NRG1: variants seen among roughly 807,000 people sequenced by gnomAD.
The protein encoded by NRG1 is pro-neuregulin-1, membrane-bound isoform.
Under a neutral mutation model 63.8 loss-of-function variants are expected in NRG1, and 18 were observed. The ratio of observed to expected loss-of-function variants is 0.28; its 90% CI spans 0.19 to 0.42. The LOEUF (loss-of-function observed/expected upper bound fraction) is 0.42. Among genes scored for constraint, NRG1 ranks in the 10% least tolerant of loss-of-function variants. The pLI is 1.00. For synonymous variants in NRG1, 302 were observed against 301.3 expected, an observed-to-expected ratio of 1.00 and a Z score of -0.02; for missense variants, 762 against 814.7, an observed-to-expected ratio of 0.94 and a Z score of 0.79.
intron 1 of NRG1, among the ~76,000 whole-genome samples, chr8:32,129,886 T>C (rs1834580408): frequency 2.0e-5 from 3 of 152,108 alleles, no homozygotes; most frequent in African/African-American, 7.2e-5. Flanking sequence ...GTCGTTTGTC[T>C]AAAGCACTTT....
intron 1 of NRG1, among the ~76,000 whole-genome samples, chr8:32,319,989 G>A (rs1801191039): frequency 6.6e-6 from 1 of 152,074 alleles, no homozygotes; most frequent in African/African-American, 2.4e-5. Flanking sequence ...GGAAGAATAG[G>A]ATATGTGAAA....
chr8:31,962,589 T>C (rs192333956), intron 1 of NRG1, among the ~76,000 whole-genome samples: 1 of 152,286 alleles, frequency 6.6e-6, no homozygotes, highest in East Asian at 1.9e-4. Flanking sequence ...CTTGGAGTTT[T>C]CTATATTTTC....
intron 1 of NRG1, among the ~76,000 whole-genome samples, chr8:32,284,687 C>A (rs372885329): frequency 6.6e-6 from 1 of 152,050 alleles, no homozygotes; most frequent in Non-Finnish European, 1.5e-5. Flanking sequence ...CATATCAGCA[C>A]GCTTGGCTAA....
At chr8:32,564,663 A>C (rs1337382054) in intron 1 of NRG1, among the ~76,000 whole-genome samples, 1 of 152,238 alleles carries the variant, frequency 6.6e-6, no homozygotes, top group Non-Finnish European at 1.5e-5. Context: ...AGCTAGTCTC[A>C]TCAGGGTACT....
intron 1 of NRG1, among the ~76,000 whole-genome samples, chr8:32,425,975 G>A (rs1261402489): frequency 1.3e-5 from 2 of 152,012 alleles, no homozygotes; most frequent in Non-Finnish European, 2.9e-5. Flanking sequence ...TCATCCTGCC[G>A]CAGGTCCAAG....
intron 5 of NRG1, among the ~76,000 whole-genome samples, chr8:32,663,369 T>C (rs560525907): frequency 6.6e-6 from 1 of 152,290 alleles, no homozygotes; most frequent in East Asian, 1.9e-4. Context: ...TGTACTCTGC[T>C]GACATGCATG....
chr8:31,690,487 C>T (rs1186606485), intron 1 of NRG1, among the ~76,000 whole-genome samples: 1 of 152,164 alleles, frequency 6.6e-6, no homozygotes, highest in Non-Finnish European at 1.5e-5. Flanking sequence ...AATTCCAAGA[C>T]TGATCAAGTA....
intron 1 of NRG1, among the ~76,000 whole-genome samples, chr8:31,897,798 C>T (rs1034117357): frequency 4.2e-4 from 63 of 151,492 alleles, no homozygotes; most frequent in African/African-American, 1.3e-3. Flanking sequence ...GCAGATCACC[C>T]GAGGTCAGGA....
intron 1 of NRG1, among the ~76,000 whole-genome samples, chr8:32,510,755 G>A (rs1302676613): frequency 6.6e-6 from 1 of 152,056 alleles, no homozygotes; most frequent in Admixed American, 6.5e-5. Flanking sequence ...GGCTGAGACA[G>A]GACTCTTTTC....
chr8:31,652,348 A>T (rs1804938001), intron 1 of NRG1, among the ~76,000 whole-genome samples: 1 of 152,172 alleles, frequency 6.6e-6, no homozygotes, highest in Non-Finnish European at 1.5e-5. Flanking sequence ...TTTCCTTCTC[A>T]CATCCATTTT....
intron 5 of NRG1, among the ~76,000 whole-genome samples, chr8:32,640,271 A>ACACACACACG (rs1299313079): frequency 2.4e-4 from 36 of 151,328 alleles, no homozygotes; most frequent in Admixed American, 2.6e-4. Context: ...ACACACACAC[A>ACACACACACG]CACGCACGCA....
intron 1 of NRG1, among the ~76,000 whole-genome samples, chr8:31,819,344 A>G (rs1363401861): frequency 6.6e-6 from 1 of 152,230 alleles, no homozygotes; most frequent in East Asian, 1.9e-4. Flanking sequence ...ACATGTTTTA[A>G]GAAGGGAATT....
At chr8:32,359,593 G>T (rs1806947749) in intron 1 of NRG1, among the ~76,000 whole-genome samples, 1 of 152,082 alleles carries the variant, frequency 6.6e-6, no homozygotes, top group Admixed American at 6.6e-5. Flanking sequence ...TGTAAAATAT[G>T]CAGGATAAGA....
At chr8:32,408,145 A>G (rs1023796813) in intron 1 of NRG1, among the ~76,000 whole-genome samples, 1 of 152,198 alleles carries the variant, frequency 6.6e-6, no homozygotes, top group Non-Finnish European at 1.5e-5. Flanking sequence ...GTCACTGAAC[A>G]TACTTGGGGT....
chr8:32,231,757 C>T (rs943560170), intron 1 of NRG1, among the ~76,000 whole-genome samples: 1 of 151,788 alleles, frequency 6.6e-6, no homozygotes, highest in Non-Finnish European at 1.5e-5. Flanking sequence ...AGCAAATTAG[C>T]TGAGTGTGGT....
Position 32,275,042 on chromosome 8 carries a change from C to A in NRG1, c.38-320786C>A, listed in dbSNP as rs768446470. Among the ~76,000 whole-genome samples, 23 of 152,170 alleles carry A rather than the reference C, an allele frequency of 1.5e-4. No homozygotes were observed. In the Middle Eastern group the frequency reaches 0.01, roughly 68 times the overall value. ...CTGTGAATGAGGAGAGAATCTACCC[C>A]ACAGCCAGATGCTTGCATTTGGCCA... On this transcript the variant is annotated intron_variant, in intron 1 of 10. Coordinates refer to the NRG1 transcript ENST00000519301.
At chr8:32,436,247 C>G (rs1044910823) in intron 1 of NRG1, among the ~76,000 whole-genome samples, 1 of 152,134 alleles carries the variant, frequency 6.6e-6, no homozygotes, top group Non-Finnish European at 1.5e-5. Context: ...GACTTATTCA[C>G]TACCACGAGT....
At chr8:31,737,728 C>G (rs947829173) in intron 1 of NRG1, among the ~76,000 whole-genome samples, 26 of 151,978 alleles carry the variant, frequency 1.7e-4, no homozygotes, top group Non-Finnish European at 4.4e-5. Context: ...TCAATTAGAC[C>G]ACCTTCTCAT....
At chr8:32,155,116 C>A (rs528695197) in intron 1 of NRG1, among the ~76,000 whole-genome samples, 1 of 151,894 alleles carries the variant, frequency 6.6e-6, no homozygotes, top group Admixed American at 6.6e-5. Context: ...TGGGAGAGGC[C>A]AAATCACTAA....
Sources: allele counts gnomAD v4.1 joint callset (sites outside exome capture counted in the v4.1 genomes callset), GRCh38; gene constraint gnomAD v4.1.1; transcripts MANE v1.5; gene names NCBI Gene and HGNC (gene_info 2026-07-23, HGNC 2026-07-21).